Variants in CRISP1 observed in about 807,000 individuals in gnomAD.
CRISP1 encodes the protein cysteine rich secretory protein 1.
CRISP1 carries 44 observed loss-of-function variants against 33.1 expected under a neutral mutation model. The ratio of observed to expected loss-of-function variants is 1.33; its 90% CI spans 1.05 to 1.71. CRISP1 has a LOEUF of 1.71. CRISP1 is among the 40% of genes most tolerant of loss of function. The pLI is 0.00. For missense variants in CRISP1, 390 were observed against 301.2 expected (o/e 1.29, Z -2.18); for synonymous variants, 103 against 98.7 (o/e 1.04, Z -0.26).
intron 5 of CRISP1, among the ~76,000 whole-genome samples, chr6:49,842,439 GA>G (rs1771023270): frequency 6.6e-6 from 1 of 152,198 alleles, no homozygotes; most frequent in African/African-American, 2.4e-5. Flanking sequence ...AAGAAAAATT[GA>G]AAATGAAACT....
intron 5 of CRISP1, 131 bp downstream of exon 5, chr6:49,846,389 A>C (rs1771168525): frequency 1.1e-6 from 1 of 927,000 alleles, no homozygotes; most frequent in Non-Finnish European, 1.6e-6. Flanking sequence ...TTCAAATTAT[A>C]AGAGGAACTC....
chr6:49,866,572 C>T (rs1290411608), upstream of CRISP1: 1 of 152,042 alleles, frequency 6.6e-6, no homozygotes, highest in East Asian at 1.9e-4. Context: ...TATAACAGAT[C>T]AAGGGATTTA....
chr6:49,839,921 A>G (rs553529968), intron 6 of CRISP1, among the ~76,000 whole-genome samples: 2 of 152,218 alleles, frequency 1.3e-5, no homozygotes, highest in Non-Finnish European at 2.9e-5. Flanking sequence ...GAAGTATGGC[A>G]GTGTGTTTTC....
intron 1 of CRISP1, among the ~76,000 whole-genome samples, chr6:49,863,621 A>G (rs1445312241): frequency 6.6e-6 from 1 of 152,208 alleles, no homozygotes; most frequent in Admixed American, 6.5e-5. Context: ...AAATTTGTAA[A>G]TCATAAACAA....
chr6:49,839,633 C>T (rs532930709), intron 6 of CRISP1, among the ~76,000 whole-genome samples: 1 of 152,244 alleles, frequency 6.6e-6, no homozygotes, highest in South Asian at 2.1e-4. Context: ...AAGATTATTA[C>T]TAAATTCAGT....
Position 49,838,558 on chromosome 6 carries a change from A to G in CRISP1, c.534-33T>C, listed in dbSNP as rs777919662. ...AAAAAAAAGTGATTTCATAAAACCC[A>G]TCTTTGAAAAACTCACATAAAACTT... On this transcript the variant is annotated intron_variant, in intron 6 of 7. Transcript: ENST00000335847. 24 of 1,537,544 alleles carry G rather than the reference A, an allele frequency of 1.6e-5. No individual in the cohort carries two copies. The East Asian group carries it at 2.0e-4, about 13-fold the overall frequency.
chr6:49,868,522 T>G (rs1054247882), upstream of CRISP1, among the ~76,000 whole-genome samples: 1 of 152,192 alleles, frequency 6.6e-6, no homozygotes, highest in African/African-American at 2.4e-5. Context: ...ACTCAGAGAT[T>G]GGCTAACAAA....
At position 49,857,292 on chromosome 6, in the gene CRISP1, C is replaced by G. The variant is rs766089358; in HGVS notation, c.66+43G>C. ...ATTGTATTAAAGTGTTAGCTCTTAT[C>G]TTTATTTAGAAAGTAATTATGAAAC... is the stretch of plus-strand genomic sequence containing the variant. On this transcript the variant is annotated intron_variant, in intron 2 of 7. Transcript: ENST00000335847. The G allele has an allele frequency of 3.2e-6, 5 of 1,581,546 alleles. No homozygotes were observed. In the African/African-American group the frequency reaches 5.4e-5, roughly 17 times the overall value.
rs116209850 is a variant in CRISP1, at chr6:49,843,545, C to A, written c.436-2550G>T. Reference sequence around the variant, plus strand: ...TCAAGAAACTAACTATGCTGGCACTCTAATCTTGGACTTCCAGCCTTTGTG... The same window carrying A: ...TCAAGAAACTAACTATGCTGGCACTATAATCTTGGACTTCCAGCCTTTGTG... On this transcript the variant is annotated intron_variant, in intron 5 of 7. Coordinates refer to ENST00000335847, the MANE Select transcript of CRISP1 (RefSeq NM_001131.3). 4.6e-3 allele frequency among the ~76,000 whole-genome samples: 697 copies of A among 152,282 alleles called. 6 individuals carry two copies. The highest frequency in any genetic ancestry group is 0.016 in the African/African-American group (658 of 41,548).
intron 4 of CRISP1, 141 bp downstream of exon 4, chr6:49,848,068 C>T (rs1418859375): frequency 1.7e-5 from 8 of 482,966 alleles, no homozygotes; most frequent in Non-Finnish European, 2.9e-5. Flanking sequence ...TAATAGTCCA[C>T]AATTCACTGC....
intron 1 of CRISP1, among the ~76,000 whole-genome samples, chr6:49,858,219 A>G (rs910493270): frequency 6.6e-6 from 1 of 152,160 alleles, no homozygotes; most frequent in African/African-American, 2.4e-5. Context: ...AGTCAGACAA[A>G]TCAGAGCTAA....
At chr6:49,835,599 A>T (rs1770763398) in intron 7 of CRISP1, among the ~76,000 whole-genome samples, 156 bp from the exon 8 acceptor site, 1 of 152,256 alleles carries the variant, frequency 6.6e-6, no homozygotes, top group Non-Finnish European at 1.5e-5. Flanking sequence ...AATGCAAAAC[A>T]GGTGATAAGA....
chr6:49,872,363 T>A (rs1771945034), intron 1 of CRISP1, among the ~76,000 whole-genome samples: 1 of 152,164 alleles, frequency 6.6e-6, no homozygotes, highest in African/African-American at 2.4e-5. Context: ...CTGTTCATTC[T>A]GATGGTAGTT....
intron 7 of CRISP1, among the ~76,000 whole-genome samples, chr6:49,836,501 A>ATT (rs1294079049): frequency 4.0e-5 from 6 of 151,066 alleles, no homozygotes; most frequent in East Asian, 2.0e-4. Context: ...ACGCCCTGCT[A>ATT]ATTTTTTTTT....
At chr6:49,851,619 G>A (rs537366680) in intron 3 of CRISP1, among the ~76,000 whole-genome samples, 1 of 152,326 alleles carries the variant, frequency 6.6e-6, no homozygotes, top group East Asian at 1.9e-4. Context: ...TATTTGTCGT[G>A]TGTACTGGCA....
rs1440565690 is a variant in CRISP1 at position 49,846,619 on chromosome 6, C to T, written c.336G>A (p.Trp112Ter). 12 of 1,613,502 alleles carry T rather than the reference C, an allele frequency of 7.4e-6. No individual in the cohort carries two copies. The highest frequency in any genetic ancestry group is 1.0e-5 in the Non-Finnish European group (12 of 1,179,634). Residue 112 changes from tryptophan (W) to a stop codon, truncating the protein, a stop_gained, in exon 5 of 8, where the codon TGG (tryptophan) becomes TGA (stop). Transcript: ENST00000335847. LOFTEE classifies it high-confidence loss of function. ...TGTACCAGACTCCAATTACACTTGACCATGATACAGGATAAGATGTCATAT... is the reference window on the plus strand; with the variant it reads ...TGTACCAGACTCCAATTACACTTGATCATGATACAGGATAAGATGTCATAT... Reference protein sequence around the residue: ...NMHMTSYPVSWSSVIGVWYSE... With the variant: ...NMHMTSYPVS
intron 5 of CRISP1, 62 bp from the exon 6 acceptor site, chr6:49,841,057 C>T: frequency 7.6e-7 from 1 of 1,323,716 alleles, no homozygotes; most frequent in South Asian, 1.2e-5. Flanking sequence ...CTATAATATC[C>T]ATATTGTCAT....
At chr6:49,873,370 A>T (rs1387244752) in intron 1 of CRISP1, among the ~76,000 whole-genome samples, 3 of 152,088 alleles carry the variant, frequency 2.0e-5, no homozygotes, top group Non-Finnish European at 4.4e-5. Context: ...ACTAAATGCC[A>T]TTTAATTTGA....
At chr6:49,839,331 G>A (rs1027948007) in intron 6 of CRISP1, among the ~76,000 whole-genome samples, 1 of 146,180 alleles carries the variant, frequency 6.8e-6, no homozygotes, top group Admixed American at 6.8e-5. Context: ...TATGCCTGTA[G>A]TTCCAGATAC....
Sources: gnomAD v4.1 joint callset for allele counts (sites outside exome capture counted in the v4.1 genomes callset) on GRCh38, gnomAD v4.1.1 for gene constraint, MANE v1.5 for transcripts, NCBI Gene and HGNC (gene_info 2026-07-23, HGNC 2026-07-21) for gene names.